KIF26B: variants seen among roughly 807,000 people sequenced by gnomAD.
KIF26B encodes kinesin-like protein KIF26B.
A neutral mutation model predicts 151.2 loss-of-function variants in KIF26B; 63 were observed. The observed-to-expected ratio is 0.42, with a 90% confidence interval of 0.34 to 0.51. The LOEUF (loss-of-function observed/expected upper bound fraction) is 0.51, where lower values mean the gene tolerates loss of function less well. Ranked by LOEUF, KIF26B falls within the 20% of genes least tolerant of loss-of-function variation. The pLI is 0.07. For missense variants in KIF26B, 2,813 were observed against 2,913.6 expected (o/e 0.97, Z 0.79); for synonymous variants, 1,357 against 1,262.1 (o/e 1.08, Z -1.59).
intron 5 of KIF26B, among the ~76,000 whole-genome samples, chr1:245,567,030 C>T (rs902256686): frequency 2.0e-5 from 3 of 152,204 alleles, no homozygotes; most frequent in Admixed American, 6.5e-5. Flanking sequence ...TGTGTGTGCA[C>T]TCACAAATCC....
intron 2 of KIF26B, among the ~76,000 whole-genome samples, chr1:245,338,363 T>C (rs1672274909): frequency 6.6e-6 from 1 of 152,206 alleles, no homozygotes; most frequent in Admixed American, 6.5e-5. Context: ...GTGTTTCTGA[T>C]GGCAACTTCC....
intron 4 of KIF26B, among the ~76,000 whole-genome samples, chr1:245,474,765 A>G (rs1455204401): frequency 6.6e-6 from 1 of 151,672 alleles, no homozygotes; most frequent in Non-Finnish European, 1.5e-5. Context: ...TACCCACTAA[A>G]CAACTTCTCT....
intron 4 of KIF26B, among the ~76,000 whole-genome samples, chr1:245,455,847 A>G (rs1659507307): frequency 6.6e-6 from 1 of 152,156 alleles, no homozygotes; most frequent in South Asian, 2.1e-4. Context: ...CCAGTGGAGG[A>G]CATTCAGCCA....
intron 2 of KIF26B, among the ~76,000 whole-genome samples, chr1:245,219,742 C>CA (rs1026647792): frequency 2.6e-5 from 4 of 151,546 alleles, no homozygotes; most frequent in East Asian, 2.0e-4. Context: ...CCCTCCACCC[C>CA]AAAAAAAAGA....
Position 245,554,011 on chromosome 1 carries a change from A to G in KIF26B, c.1350+13061A>G, listed in dbSNP as rs541636491. ...CCTCGGCTTTTACTTTCCTTTTTTC[A>G]TGGACCCCTCTATCTCTTGTGTCCA... On this transcript the variant is annotated intron_variant, in intron 5 of 14. Transcript: ENST00000407071. 2.6e-3 allele frequency among the ~76,000 whole-genome samples: 398 copies of G among 151,962 alleles called. 2 individuals carry two copies. The highest frequency in any genetic ancestry group is 4.2e-3 in the Non-Finnish European group (285 of 67,952).
In KIF26B at chr1:245,221,208, C is replaced by T. The variant is rs574261883; in HGVS notation, c.465+64525C>T. On this transcript the variant is annotated intron_variant, in intron 2 of 14. Transcript: ENST00000407071. The stretch of plus-strand genomic sequence containing the variant: ...AAAGAGCATCAACAGTAACGGCAAA[C>T]AGGGGAGCTAATGTCACCAACAAAA... Among the ~76,000 whole-genome samples the T allele has an allele frequency of 4.6e-5, 7 of 152,022 alleles. No homozygotes were observed. The South Asian group carries it at 1.2e-3, about 27-fold the overall frequency.
intron 2 of KIF26B, among the ~76,000 whole-genome samples, chr1:245,240,723 G>A (rs1249139595): frequency 2.6e-5 from 4 of 152,200 alleles, no homozygotes; most frequent in Non-Finnish European, 4.4e-5. Flanking sequence ...TATCAGAAAA[G>A]CAACAATACA....
rs1670213250 is a variant in KIF26B, at chr1:245,241,717, G to A, written c.465+85034G>A. 6.6e-6 allele frequency among the ~76,000 whole-genome samples: 1 copy of A among 152,206 alleles called. No homozygotes were observed. Among genetic ancestry groups the A allele is most frequent in the African/African-American group, 2.4e-5 (1 of 41,456 alleles). ...ACAGCCCCGTCCAGGGCCCATGGCAGCCCCAGCTGGCTGCCCGCTCCCTCC... is the reference window on the plus strand; with the variant it reads ...ACAGCCCCGTCCAGGGCCCATGGCAACCCCAGCTGGCTGCCCGCTCCCTCC... On this transcript the variant is annotated intron_variant, in intron 2 of 14. Coordinates refer to ENST00000407071, the MANE Select transcript of KIF26B (RefSeq NM_018012.4). The surrounding 1 kb of genome is among the most constrained non-coding windows in gnomAD (Gnocchi z 5.0).
chr1:245,662,631 GAT>G (rs1239023999), intron 10 of KIF26B, among the ~76,000 whole-genome samples: 7 of 44,672 alleles, frequency 1.6e-4, no homozygotes, highest in East Asian at 1.7e-3. Flanking sequence ...CACACCCAGT[GAT>G]ATATACACAC....
At chr1:245,255,545 A>G (rs1670517329) in intron 2 of KIF26B, among the ~76,000 whole-genome samples, 1 of 152,166 alleles carries the variant, frequency 6.6e-6, no homozygotes, top group African/African-American at 2.4e-5. Flanking sequence ...TGTGATTTGT[A>G]TGTTTTTTGC....
At chr1:245,549,764 G>A (rs1661832737) in intron 5 of KIF26B, among the ~76,000 whole-genome samples, 1 of 151,160 alleles carries the variant, frequency 6.6e-6, no homozygotes, top group Non-Finnish European at 1.5e-5. Flanking sequence ...TATTATGGAG[G>A]GGGAGAATAA....
At chr1:245,323,397 AT>A (rs1671923668) in intron 2 of KIF26B, among the ~76,000 whole-genome samples, 1 of 152,260 alleles carries the variant, frequency 6.6e-6, no homozygotes, top group East Asian at 1.9e-4. Context: ...TATAGGAAAA[AT>A]AACTTCATTG....
intron 4 of KIF26B, among the ~76,000 whole-genome samples, chr1:245,475,121 A>G (rs1660007278): frequency 6.6e-6 from 1 of 151,776 alleles, no homozygotes; most frequent in Non-Finnish European, 1.5e-5. Context: ...ACTCTGACAA[A>G]CAGCTCTGTC....
At chr1:245,186,977 T>C (rs987752809) in intron 2 of KIF26B, among the ~76,000 whole-genome samples, 2 of 152,122 alleles carry the variant, frequency 1.3e-5, no homozygotes, top group Non-Finnish European at 1.5e-5. Context: ...CTGCCTCAGC[T>C]TCCAGAGTAG....
chr1:245,514,435 A>G (rs1660905854), intron 4 of KIF26B, among the ~76,000 whole-genome samples: 1 of 152,098 alleles, frequency 6.6e-6, no homozygotes, highest in Non-Finnish European at 1.5e-5. Context: ...AGGCTGAGGC[A>G]GGAGAATCGC....
At chr1:245,192,496 C>T (rs1305483249) in intron 2 of KIF26B, among the ~76,000 whole-genome samples, 3 of 152,168 alleles carry the variant, frequency 2.0e-5, no homozygotes, top group Non-Finnish European at 4.4e-5. Context: ...ATTTGATTCT[C>T]ATATATCTGT....
Position 245,686,041 on chromosome 1 carries a change from G to A in KIF26B, c.3058G>A (p.Ala1020Thr). 6.3e-7 allele frequency: 1 copy of A among 1,594,870 alleles called. No individual in the cohort carries two copies. The highest frequency in any genetic ancestry group is 8.5e-7 in the Non-Finnish European group (1 of 1,171,506). The change falls in exon 12 of 15, where the codon GCC becomes ACC. Residue 1020 changes from alanine (A) to threonine (T), a missense_variant. Physicochemically the swap from Ala to Thr is moderately conservative, Grantham distance 58. Transcript: ENST00000407071. This position sits in a 1 kb window ranked among gnomAD's most constrained non-coding sequence, Gnocchi z 5.6. ...GGCACCCGCCCACAGCCCCAGCCCGGCCTCACCCAGGAGCGTCCCGGGCAG... is the reference window on the plus strand; with the variant it reads ...GGCACCCGCCCACAGCCCCAGCCCGACCTCACCCAGGAGCGTCCCGGGCAG... Reference protein sequence around the residue: ...AAAPAHSPSPASPRSVPGSSS... With the variant: ...AAAPAHSPSPTSPRSVPGSSS...
intron 5 of KIF26B, 90 bp downstream of exon 5, chr1:245,541,040 T>C (rs755638666): frequency 6.5e-5 from 69 of 1,068,660 alleles, no homozygotes; most frequent in Non-Finnish European, 9.1e-5. Flanking sequence ...TCCAATGTAT[T>C]AAAATAAGAC....
chr1:245,158,402 C>T (rs1668480329), intron 2 of KIF26B, among the ~76,000 whole-genome samples: 1 of 152,174 alleles, frequency 6.6e-6, no homozygotes, highest in Non-Finnish European at 1.5e-5. Context: ...TAGAAACAGC[C>T]TGGAACATTC....
Sources: gnomAD v4.1 joint callset for allele counts (sites outside exome capture counted in the v4.1 genomes callset) on GRCh38, gnomAD v4.1.1 for gene constraint, Gnocchi (gnomAD v3.1) non-coding constraint, MANE v1.5 for transcripts, NCBI Gene and HGNC (gene_info 2026-07-23, HGNC 2026-07-21) for gene names.